Variants in POLR1A observed in about 807,000 individuals in gnomAD.
The protein encoded by POLR1A is RNA polymerase I subunit A, also known as DNA-directed RNA polymerase I subunit RPA1.
Under a neutral mutation model 205.3 loss-of-function variants are expected in POLR1A, and 84 were observed. The observed-to-expected ratio is 0.41, with a 90% confidence interval of 0.34 to 0.49. The LOEUF (loss-of-function observed/expected upper bound fraction) is 0.49, where lower values mean the gene tolerates loss of function less well. Among genes scored for constraint, POLR1A ranks in the 20% least tolerant of loss-of-function variants. The probability of loss-of-function intolerance (pLI) is 0.22; values close to 1 mark genes in which losing one functional copy is unlikely to be tolerated. For missense variants in POLR1A, 1,645 were observed against 2,204.5 expected, an observed-to-expected ratio of 0.75 and a Z score of 5.08; for synonymous variants, 799 against 863.7, an observed-to-expected ratio of 0.93 and a Z score of 1.31.
At chr2:86,099,912 G>T in intron 2 of POLR1A, 56 bp downstream of exon 2, 1 of 1,401,386 alleles carries the variant, frequency 7.1e-7, no homozygotes, top group Non-Finnish European at 1.0e-6. Flanking sequence ...GAGAGAGGCA[G>T]CACTCACAAA....
chr2:86,088,495 A>G, intron 6 of POLR1A, 71 bp downstream of exon 6: 2 of 925,884 alleles, frequency 2.2e-6, no homozygotes, highest in Admixed American at 3.8e-5. Flanking sequence ...GAGGAGAACC[A>G]GGTATTCCCA....
intron 24 of POLR1A, 69 bp downstream of exon 24, chr2:86,041,820 G>T: frequency 7.4e-7 from 1 of 1,342,634 alleles, no homozygotes. Context: ...GAGTAGGGCA[G>T]GGGCTAGGAG....
intron 20 of POLR1A, 102 bp from the exon 21 acceptor site, chr2:86,045,462 G>T: frequency 1.6e-6 from 2 of 1,237,300 alleles, no homozygotes; most frequent in Non-Finnish European, 2.4e-6. Context: ...GACCAGACAG[G>T]CCACTCCCTT....
intron 14 of POLR1A, among the ~76,000 whole-genome samples, chr2:86,061,513 T>C (rs192398436): frequency 6.6e-6 from 1 of 152,326 alleles, no homozygotes; most frequent in East Asian, 1.9e-4. Context: ...AGTAATTCCA[T>C]GCCTCAATAG....
chr2:86,069,400 C>T (rs1673136349), intron 13 of POLR1A, among the ~76,000 whole-genome samples: 1 of 152,164 alleles, frequency 6.6e-6, no homozygotes, highest in African/African-American at 2.4e-5. Flanking sequence ...CATGCTAACT[C>T]AGGCCCCTGC....
intron 27 of POLR1A, among the ~76,000 whole-genome samples, chr2:86,036,566 T>C (rs1672499215): frequency 6.6e-6 from 1 of 152,198 alleles, no homozygotes; most frequent in East Asian, 1.9e-4. Flanking sequence ...TCTTGGGGGT[T>C]GGCTGCTCTT....
At chr2:86,045,408 C>A (rs565416464) in intron 20 of POLR1A, 48 bp from the exon 21 acceptor site, 1 of 1,480,170 alleles carries the variant, frequency 6.8e-7, no homozygotes, top group Non-Finnish European at 9.4e-7. Flanking sequence ...GAGGACAGTG[C>A]GCTTCCTGAA....
intron 2 of POLR1A, among the ~76,000 whole-genome samples, chr2:86,099,588 AC>A (rs1235391192): frequency 1.3e-5 from 2 of 151,980 alleles, no homozygotes; most frequent in Non-Finnish European, 2.9e-5. Flanking sequence ...CTATAGAGAC[AC>A]CTGAAGGGCT....
rs150824428 is a variant in POLR1A, at chr2:86,094,652, T to C, written c.432+3959A>G. ...GTACACACACTTTACACCCGAACTTTTAATTCCATTTTAACAATACAGGAT... is the reference window on the plus strand; with the variant it reads ...GTACACACACTTTACACCCGAACTTCTAATTCCATTTTAACAATACAGGAT... On this transcript the variant is annotated intron_variant, in intron 3 of 33. Transcript: ENST00000263857. 2.6e-3 allele frequency among the ~76,000 whole-genome samples: 390 copies of C among 152,380 alleles called. 2 individuals are homozygous for C. The highest frequency in any genetic ancestry group is 3.4e-3 in the Non-Finnish European group (228 of 68,036).
intron 14 of POLR1A, among the ~76,000 whole-genome samples, chr2:86,055,868 G>A (rs990656843): frequency 6.6e-6 from 1 of 152,154 alleles, no homozygotes; most frequent in Non-Finnish European, 1.5e-5. Context: ...CTAAAGTCAG[G>A]ACCAAGACAA....
chr2:86,055,993 A>G (rs1672887669), intron 14 of POLR1A, among the ~76,000 whole-genome samples: 1 of 152,222 alleles, frequency 6.6e-6, no homozygotes, highest in African/African-American at 2.4e-5. Flanking sequence ...GTACAACCAC[A>G]TTTGCAGATG....
rs1672275324 is a variant in POLR1A at position 86,027,191 on chromosome 2, T to C, written c.*232A>G. ...ACTCAGAAGACTTGGTAAACCTTGA[T>C]AAAAATCCAGAGACAGGGAGGGGCA... On this transcript the variant is annotated 3_prime_UTR_variant, in exon 34 of 34. Coordinates refer to ENST00000263857, the MANE Select transcript of POLR1A (RefSeq NM_015425.6). The C allele has an allele frequency of 1.7e-6, 1 of 575,032 alleles. No individual in the cohort carries two copies. Among genetic ancestry groups the C allele is most frequent in the African/African-American group, 1.9e-5 (1 of 53,542 alleles). 35.6% of individuals were successfully genotyped at this position (575,032 alleles called of 1,614,324 possible).
intron 21 of POLR1A, 72 bp from the exon 22 acceptor site, chr2:86,044,376 G>A: frequency 6.5e-7 from 1 of 1,535,170 alleles, no homozygotes; most frequent in Non-Finnish European, 9.0e-7. Flanking sequence ...TGAGGGTTGG[G>A]GGCAGTGGAG....
intron 3 of POLR1A, among the ~76,000 whole-genome samples, chr2:86,094,544 G>T (rs1039988713): frequency 6.6e-6 from 1 of 152,170 alleles, no homozygotes; most frequent in Non-Finnish European, 1.5e-5. Context: ...GTGGAGAATG[G>T]TATTTAGAAA....
At chr2:86,060,650 GAC>G (rs1214983732) in intron 14 of POLR1A, among the ~76,000 whole-genome samples, 1 of 152,084 alleles carries the variant, frequency 6.6e-6, no homozygotes, top group East Asian at 1.9e-4. Flanking sequence ...TATGACTCTT[GAC>G]CCCTACCTCA....
Position 86,077,898 on chromosome 2 carries a change from T to C in POLR1A, c.1341A>G (p.Pro447=), listed in dbSNP as rs1398763607. 1.9e-6 allele frequency: 3 copies of C among 1,613,592 alleles called. No individual in the cohort carries two copies. Among genetic ancestry groups the C allele is most frequent in the Admixed American group, 1.7e-5 (1 of 59,978 alleles). ...VDYAARSVIC[P]DMYINTNEIG... ...TTTCGTTGGTGTTGATGTACATGTC[T>C]GGGCAGATGACTGAGCGCGCAGCGT... is the stretch of plus-strand genomic sequence containing the variant. The change falls in exon 11 of 34, where the codon CCA becomes CCG. Residue 447 remains proline (P), a synonymous_variant. Coordinates refer to ENST00000263857, the MANE Select transcript of POLR1A (RefSeq NM_015425.6).
In POLR1A at chr2:86,043,209, C is replaced by CA. The variant is rs767623180; in HGVS notation, c.3136-15dup. On this transcript the variant is annotated splice_polypyrimidine_tract_variant and intron_variant, in intron 22 of 33. Transcript: ENST00000263857. ...TTTCATTATCACCTAAACAAACAAA[C>CA]AAAAAAACAAACAAACAAATCACAC... is the stretch of plus-strand genomic sequence containing the variant. 3 of 1,586,072 alleles carry CA rather than the reference C, an allele frequency of 1.9e-6. No individual in the cohort carries two copies. The highest frequency in any genetic ancestry group is 2.6e-6 in the Non-Finnish European group (3 of 1,156,874).
chr2:86,082,431 C>T (rs752035764), intron 7 of POLR1A, among the ~76,000 whole-genome samples: 7 of 152,080 alleles, frequency 4.6e-5, no homozygotes, highest in Admixed American at 3.3e-4. Context: ...AAAGGATCTT[C>T]TGTGGATCAA....
At chr2:86,057,304 C>G (rs1229405455) in intron 14 of POLR1A, among the ~76,000 whole-genome samples, 1 of 152,014 alleles carries the variant, frequency 6.6e-6, no homozygotes, top group Admixed American at 6.6e-5. Context: ...AAAAAAAGAA[C>G]AAAAAATAAG....
Sources: allele counts gnomAD v4.1 joint callset (sites outside exome capture counted in the v4.1 genomes callset), GRCh38; gene constraint gnomAD v4.1.1; transcripts MANE v1.5; gene names NCBI Gene and HGNC (gene_info 2026-07-23, HGNC 2026-07-21).